The following MAP3K4 variants were observed in gnomAD, a reference collection of about 807,000 sequenced individuals.
MAP3K4 encodes the protein mitogen-activated protein kinase kinase kinase 4.
In MAP3K4, 67 loss-of-function variants were observed where a neutral mutation model predicts 185.6. That is an observed-to-expected ratio of 0.36 (90% CI 0.30 to 0.44). The LOEUF (loss-of-function observed/expected upper bound fraction) is 0.44, where lower values mean the gene tolerates loss of function less well. Ranked by LOEUF, MAP3K4 falls within the 20% of genes least tolerant of loss-of-function variation. The pLI is 1.00. For missense variants in MAP3K4, 1,551 were observed against 1,995.1 expected, an observed-to-expected ratio of 0.78 and a Z score of 4.24; for synonymous variants, 702 against 710.4, an observed-to-expected ratio of 0.99 and a Z score of 0.19.
intron 3 of MAP3K4, among the ~76,000 whole-genome samples, chr6:161,057,580 G>A (rs186602452): frequency 2.0e-5 from 3 of 152,244 alleles, no homozygotes; most frequent in African/African-American, 7.2e-5. Flanking sequence ...TGGGGGACAC[G>A]AGCACTGACA....
At chr6:161,029,205 G>T (rs981831703) in intron 1 of MAP3K4, among the ~76,000 whole-genome samples, 1 of 151,570 alleles carries the variant, frequency 6.6e-6, no homozygotes, top group South Asian at 2.1e-4. Flanking sequence ...CATTTATTTC[G>T]AAGGATGTCG....
Position 161,115,489 on chromosome 6 carries a change from C to T in MAP3K4, c.4806+187C>T, listed in dbSNP as rs982504406. Reference sequence around the variant, plus strand: ...TTGGAAAATGTTCATTGAGGTTCTTCCACTTGATCTGTTTTGATGGTGCAT... The same window carrying T: ...TTGGAAAATGTTCATTGAGGTTCTTTCACTTGATCTGTTTTGATGGTGCAT... On this transcript the variant is annotated intron_variant, in intron 26 of 26. Transcript: ENST00000392142. The surrounding 1 kb of genome is among the most constrained non-coding windows in gnomAD (Gnocchi z 6.0). Among the ~76,000 whole-genome samples, 4 of 152,104 alleles carry T rather than the reference C, an allele frequency of 2.6e-5. No homozygotes were observed. The highest frequency in any genetic ancestry group is 4.4e-5 in the Non-Finnish European group (3 of 68,024).
At position 161,037,117 on chromosome 6, in the gene MAP3K4, A is replaced by G. The variant is rs1434470765; in HGVS notation, c.343+2668A>G. ...GCGGACATTCTTGTTTATGAATACC[A>G]AGACAAGGTGGAAATGGGACGCCAG... On this transcript the variant is annotated intron_variant, in intron 2 of 26. Coordinates refer to ENST00000392142, the MANE Select transcript of MAP3K4 (RefSeq NM_005922.4). The surrounding 1 kb of genome is among the most constrained non-coding windows in gnomAD (Gnocchi z 4.2). Among the ~76,000 whole-genome samples, 1 of 152,186 alleles carries G rather than the reference A, an allele frequency of 6.6e-6. No individual in the cohort carries two copies. Among genetic ancestry groups the G allele is most frequent in the Non-Finnish European group, 1.5e-5 (1 of 68,030 alleles).
chr6:161,056,078 A>T lies in MAP3K4; in HGVS notation c.1707+6099A>T, dbSNP rs1275461822. On this transcript the variant is annotated intron_variant, in intron 3 of 26. Coordinates refer to ENST00000392142, the MANE Select transcript of MAP3K4 (RefSeq NM_005922.4). The surrounding 1 kb of genome is among the most constrained non-coding windows in gnomAD (Gnocchi z 5.4). ...ACCATTGTTACTGATTTTGTTGCTC[A>T]GGCTGTTCTTGTTTTAGCCCATTGG... 6.6e-6 allele frequency among the ~76,000 whole-genome samples: 1 copy of T among 152,142 alleles called. No homozygotes were observed. The highest frequency in any genetic ancestry group is 1.5e-5 in the Non-Finnish European group (1 of 68,014).
Position 161,091,946 on chromosome 6 carries a change from A to G in MAP3K4, c.3136-64A>G, listed in dbSNP as rs1777329777. On this transcript the variant is annotated intron_variant, in intron 12 of 26. Coordinates refer to ENST00000392142, the MANE Select transcript of MAP3K4 (RefSeq NM_005922.4). The surrounding 1 kb of genome is among the most constrained non-coding windows in gnomAD (Gnocchi z 5.5). Reference sequence around the variant, plus strand: ...TAGAAAACATTTTAGACATGGCATTATAGTGTGTGATATTATTTAATGATC... The same window carrying G: ...TAGAAAACATTTTAGACATGGCATTGTAGTGTGTGATATTATTTAATGATC... The G allele has an allele frequency of 4.0e-5, 53 of 1,336,630 alleles. 1 individual carries two copies. In the South Asian group the frequency reaches 6.3e-4, roughly 16 times the overall value. The allele number at this position is 1,336,630 out of a possible 1,614,324, so 82.8% of individuals were successfully genotyped here. A position where few individuals can be genotyped will look rare whatever the true frequency, so the allele number is the denominator to read the frequency against.
chr6:161,101,748 G>GTCTAA lies in MAP3K4; in HGVS notation c.3675-142_3675-138dup. On this transcript the variant is annotated intron_variant, in intron 17 of 26. Coordinates refer to ENST00000392142, the MANE Select transcript of MAP3K4 (RefSeq NM_005922.4). This position sits in a 1 kb window ranked among gnomAD's most constrained non-coding sequence, Gnocchi z 5.1. The stretch of plus-strand genomic sequence containing the variant: ...ATGCCAGTAGCACCCTCCCAAAAGT[G>GTCTAA]TCTAATACATTGCTGGAGGCAGAGT... The GTCTAA allele has an allele frequency of 1.5e-6, 1 of 668,084 alleles. No homozygotes were observed. The highest frequency in any genetic ancestry group is 2.8e-5 in the East Asian group (1 of 35,800). 41.4% of individuals were successfully genotyped at this position (668,084 alleles called of 1,614,324 possible). A position where few individuals can be genotyped will look rare whatever the true frequency, so the allele number is the denominator to read the frequency against.
Position 161,095,134 on chromosome 6 carries a change from A to C in MAP3K4, c.3427+1283A>C, listed in dbSNP as rs538398488. Among the ~76,000 whole-genome samples, 187 of 152,332 alleles carry C rather than the reference A, an allele frequency of 1.2e-3. 7 individuals carry two copies. In the South Asian group the frequency reaches 0.037, roughly 30 times the overall value. Reference sequence around the variant, plus strand: ...CAATATGCCTGCCACTCCAAACTGCAGTGGGACAGTTAATTAATAGCGCTC... The same window carrying C: ...CAATATGCCTGCCACTCCAAACTGCCGTGGGACAGTTAATTAATAGCGCTC... On this transcript the variant is annotated intron_variant, in intron 15 of 26. Coordinates refer to ENST00000392142, the MANE Select transcript of MAP3K4 (RefSeq NM_005922.4).
chr6:161,093,059 A>G lies in MAP3K4; in HGVS notation c.3348+3A>G. The G allele has an allele frequency of 1.9e-6, 3 of 1,603,574 alleles. No homozygotes were observed. The highest frequency in any genetic ancestry group is 2.6e-6 in the Non-Finnish European group (3 of 1,171,228). Reference sequence around the variant, plus strand: ...CTTTACCAGAAGATGACTTCTTGGTATGGATTATTCTAAAGTTTTTTTCAT... The same window carrying G: ...CTTTACCAGAAGATGACTTCTTGGTGTGGATTATTCTAAAGTTTTTTTCAT... On this transcript the variant is annotated splice_donor_region_variant and intron_variant, in intron 14 of 26. Coordinates refer to ENST00000392142, the MANE Select transcript of MAP3K4 (RefSeq NM_005922.4). This position sits in a 1 kb window ranked among gnomAD's most constrained non-coding sequence, Gnocchi z 5.2.
chr6:161,037,543 C>T lies in MAP3K4; in HGVS notation c.343+3094C>T, dbSNP rs986429008. Among the ~76,000 whole-genome samples the T allele has an allele frequency of 2.0e-5, 3 of 152,158 alleles. No homozygotes were observed. The highest frequency in any genetic ancestry group is 6.5e-5 in the Admixed American group (1 of 15,276). On this transcript the variant is annotated intron_variant, in intron 2 of 26. Transcript: ENST00000392142. The surrounding 1 kb of genome is among the most constrained non-coding windows in gnomAD (Gnocchi z 4.2). ...AAGCAATTCTCCTGCCTCACCCTCC[C>T]GAGTAGCTAGGACTACAGGCATGCG...
rs1023239505 is a variant in MAP3K4, at chr6:161,107,038, A to G, written c.4048+333A>G. On this transcript the variant is annotated intron_variant, in intron 20 of 26. Coordinates refer to ENST00000392142, the MANE Select transcript of MAP3K4 (RefSeq NM_005922.4). This position sits in a 1 kb window ranked among gnomAD's most constrained non-coding sequence, Gnocchi z 6.2. The stretch of plus-strand genomic sequence containing the variant: ...TGTTCTAGTTTCTCTCTCTCTCTCT[A>G]CACACGCGCGCGCACACACACACAC... 5.1e-4 allele frequency among the ~76,000 whole-genome samples: 26 copies of G among 50,894 alleles called. No individual in the cohort carries two copies. Among genetic ancestry groups the G allele is most frequent in the Non-Finnish European group, 1.1e-4 (3 of 27,808 alleles). The allele number at this position is 50,894 out of a possible 152,430, so 33.4% of individuals were successfully genotyped here.
At position 161,070,328 on chromosome 6, in the gene MAP3K4, G is replaced by A. The variant is rs1164312043; in HGVS notation, c.1708-280G>A. Among the ~76,000 whole-genome samples, 3 of 152,178 alleles carry A rather than the reference G, an allele frequency of 2.0e-5. No individual in the cohort carries two copies. The highest frequency in any genetic ancestry group is 4.4e-5 in the Non-Finnish European group (3 of 68,038). On this transcript the variant is annotated intron_variant, in intron 3 of 26. Transcript: ENST00000392142. The surrounding 1 kb of genome is among the most constrained non-coding windows in gnomAD (Gnocchi z 4.5). ...TTAAGTGTGAGGCAAAAATGTTAAA[G>A]ATGAACCTGATTCTTTTTCTAATAT...
At chr6:161,024,969 GTCCA>G (rs973553666) in intron 1 of MAP3K4, among the ~76,000 whole-genome samples, 1 of 151,916 alleles carries the variant, frequency 6.6e-6, no homozygotes, top group Non-Finnish European at 1.5e-5. Context: ...CTGCCTATCT[GTCCA>G]TCCATCCATC....
At position 161,116,971 on chromosome 6, in the gene MAP3K4, TC is replaced by T. The variant is rs1225638610; in HGVS notation, c.*103del. The T allele has an allele frequency of 8.9e-7, 1 of 1,128,316 alleles. No individual in the cohort carries two copies. Among genetic ancestry groups the T allele is most frequent in the Non-Finnish European group, 1.3e-6 (1 of 751,052 alleles). 69.9% of individuals were successfully genotyped at this position (1,128,316 alleles called of 1,614,324 possible). ...GAAGCAGTATAAGCCTTTTTAACCT[TC>T]CAAGACTGAAGACTGCACAGGTGAC... On this transcript the variant is annotated 3_prime_UTR_variant, in exon 27 of 27. Coordinates refer to ENST00000392142, the MANE Select transcript of MAP3K4 (RefSeq NM_005922.4). The surrounding 1 kb of genome is among the most constrained non-coding windows in gnomAD (Gnocchi z 6.2).
Position 161,112,603 on chromosome 6 carries a change from G to A in MAP3K4, c.4520-65G>A. The A allele has an allele frequency of 1.1e-6, 1 of 921,436 alleles. No individual in the cohort carries two copies. Among genetic ancestry groups the A allele is most frequent in the Non-Finnish European group, 1.5e-6 (1 of 653,988 alleles). The allele number at this position is 921,436 out of a possible 1,614,324, so 57.1% of individuals were successfully genotyped here. A position where few individuals can be genotyped will look rare whatever the true frequency, so the allele number is the denominator to read the frequency against. ...TTGTACAATATTAATTTATTGCTTG[G>A]CTCTATTAATACATGTTGATGTGTT... On this transcript the variant is annotated intron_variant, in intron 24 of 26. Transcript: ENST00000392142. The surrounding 1 kb of genome is among the most constrained non-coding windows in gnomAD (Gnocchi z 5.1).
intron 1 of MAP3K4, among the ~76,000 whole-genome samples, chr6:161,032,076 A>G (rs979831070): frequency 3.3e-5 from 5 of 152,254 alleles, no homozygotes; most frequent in African/African-American, 4.8e-5. Context: ...AAAGCACTGA[A>G]TGAGAGCCCT....
intron 25 of MAP3K4, among the ~76,000 whole-genome samples, chr6:161,113,307 G>A (rs1253310328): frequency 3.3e-5 from 5 of 152,170 alleles, no homozygotes; most frequent in South Asian, 2.1e-4. Flanking sequence ...TCCATTTAAC[G>A]ACATTGGGGA....
intron 2 of MAP3K4, among the ~76,000 whole-genome samples, chr6:161,045,057 A>G (rs1352250194): frequency 6.6e-6 from 1 of 152,202 alleles, no homozygotes; most frequent in African/African-American, 2.4e-5. Context: ...ATATTATTCT[A>G]AAAATGTAGC....
chr6:161,107,545 T>G lies in MAP3K4; in HGVS notation c.4049-354T>G, dbSNP rs117729404. Among the ~76,000 whole-genome samples the G allele has an allele frequency of 0.055, 8,357 of 152,256 alleles. 357 individuals carry two copies. Among genetic ancestry groups the G allele is most frequent in the Non-Finnish European group, 0.091 (6,196 of 68,004 alleles). On this transcript the variant is annotated intron_variant, in intron 20 of 26. Coordinates refer to ENST00000392142, the MANE Select transcript of MAP3K4 (RefSeq NM_005922.4). The surrounding 1 kb of genome is among the most constrained non-coding windows in gnomAD (Gnocchi z 6.2). The stretch of plus-strand genomic sequence containing the variant: ...TGGTCAGGCTTAGTCCTGGCTGTTT[T>G]CTGCTGCTCCCAGCCCCAGCCAAGA...
In MAP3K4 at chr6:161,098,551, C is replaced by T. The variant is rs956067014; in HGVS notation, c.3674+124C>T. The T allele has an allele frequency of 4.4e-6, 5 of 1,138,782 alleles. No homozygotes were observed. The highest frequency in any genetic ancestry group is 1.9e-5 in the South Asian group (1 of 51,734). 70.5% of individuals were successfully genotyped at this position (1,138,782 alleles called of 1,614,324 possible). A position where few individuals can be genotyped will look rare whatever the true frequency, so the allele number is the denominator to read the frequency against. On this transcript the variant is annotated intron_variant, in intron 17 of 26. Coordinates refer to ENST00000392142, the MANE Select transcript of MAP3K4 (RefSeq NM_005922.4). The surrounding 1 kb of genome is among the most constrained non-coding windows in gnomAD (Gnocchi z 4.4). Reference sequence around the variant, plus strand: ...TCTTTGCTGTGGCGTGTGAGTGATGCTCTAGGGCCTTCCGCAGGTTGTCAC... The same window carrying T: ...TCTTTGCTGTGGCGTGTGAGTGATGTTCTAGGGCCTTCCGCAGGTTGTCAC...
Sources: gnomAD v4.1 joint callset for allele counts (sites outside exome capture counted in the v4.1 genomes callset) on GRCh38, gnomAD v4.1.1 for gene constraint, Gnocchi (gnomAD v3.1) non-coding constraint, MANE v1.5 for transcripts, NCBI Gene and HGNC (gene_info 2026-07-23, HGNC 2026-07-21) for gene names.